Variants in TMEFF1 observed in about 807,000 individuals in gnomAD.
The protein encoded by TMEFF1 is tomoregulin-1.
TMEFF1 carries 20 observed loss-of-function variants against 47.5 expected under a neutral mutation model. The observed-to-expected ratio is 0.42, with a 90% CI of 0.30 to 0.61. The LOEUF (loss-of-function observed/expected upper bound fraction) is 0.61, where lower values mean the gene tolerates loss of function less well. Ranked by LOEUF, TMEFF1 falls within the 20% of genes least tolerant of loss-of-function variation. TMEFF1 has a pLI of 0.19. For synonymous variants in TMEFF1, 162 were observed against 166.3 expected, an observed-to-expected ratio of 0.97 and a Z score of 0.20; for missense variants, 411 against 471.1, an observed-to-expected ratio of 0.87 and a Z score of 1.18.
rs182886300 is a variant in TMEFF1, at chr9:100,544,208, G to T, written c.561-3536G>T. ...GGTGGATCAGTGTTATTTGTCTCCTGTTCCCAGAGGCCTTGTGTTAGTCTG... is the reference window on the plus strand; with the variant it reads ...GGTGGATCAGTGTTATTTGTCTCCTTTTCCCAGAGGCCTTGTGTTAGTCTG... On this transcript the variant is annotated intron_variant, in intron 5 of 9. Coordinates refer to ENST00000374879, the MANE Select transcript of TMEFF1 (RefSeq NM_003692.5). 1.0e-3 allele frequency among the ~76,000 whole-genome samples: 153 copies of T among 151,964 alleles called. 1 individual carries two copies. Among genetic ancestry groups the T allele is most frequent in the African/African-American group, 3.5e-3 (146 of 41,402 alleles).
At chr9:100,475,374 T>TAG (rs1392868080) in intron 1 of TMEFF1, among the ~76,000 whole-genome samples, 9 of 152,150 alleles carry the variant, frequency 5.9e-5, no homozygotes, top group Non-Finnish European at 8.8e-5. Flanking sequence ...TGAAAAAACT[T>TAG]TTCTGTTATT....
At chr9:100,529,773 A>G (rs1249372332) in intron 5 of TMEFF1, among the ~76,000 whole-genome samples, 1 of 152,182 alleles carries the variant, frequency 6.6e-6, no homozygotes. Context: ...TCTCCATCCC[A>G]AATCAACAGA....
chr9:100,513,377 TTC>T, intron 4 of TMEFF1, 44 bp downstream of exon 4: 1 of 1,543,860 alleles, frequency 6.5e-7, no homozygotes, highest in Non-Finnish European at 8.7e-7. Flanking sequence ...TTTTCTTTCT[TTC>T]TTTCTTTCTT....
At chr9:100,485,018 A>G (rs2118259924) in intron 1 of TMEFF1, among the ~76,000 whole-genome samples, 1 of 152,294 alleles carries the variant, frequency 6.6e-6, no homozygotes, top group Non-Finnish European at 1.5e-5. Flanking sequence ...TATTCTGGAC[A>G]TTTCATATAA....
chr9:100,564,405 A>G (rs948724856), intron 8 of TMEFF1, among the ~76,000 whole-genome samples: 1 of 152,190 alleles, frequency 6.6e-6, no homozygotes, highest in Admixed American at 6.5e-5. Flanking sequence ...TGATTGGTTG[A>G]TTGACTTATT....
At chr9:100,495,045 T>G (rs887062519) in intron 1 of TMEFF1, among the ~76,000 whole-genome samples, 3 of 152,164 alleles carry the variant, frequency 2.0e-5, no homozygotes, top group African/African-American at 4.8e-5. Context: ...AAGTTTTTTT[T>G]GTTGATTTTT....
chr9:100,508,680 T>C (rs1056109917), intron 2 of TMEFF1, among the ~76,000 whole-genome samples: 14 of 152,028 alleles, frequency 9.2e-5, no homozygotes, highest in Admixed American at 7.2e-4. Flanking sequence ...ATTTTGATAA[T>C]AATAAAATGC....
At chr9:100,500,244 A>G (rs1354481839) in intron 2 of TMEFF1, among the ~76,000 whole-genome samples, 2 of 152,142 alleles carry the variant, frequency 1.3e-5, no homozygotes, top group Non-Finnish European at 2.9e-5. Flanking sequence ...GTACTGTGGT[A>G]TGGTTTTTCT....
chr9:100,536,212 GA>G (rs1338625138), intron 5 of TMEFF1, among the ~76,000 whole-genome samples: 6 of 152,132 alleles, frequency 3.9e-5, no homozygotes, highest in African/African-American at 1.4e-4. Flanking sequence ...CCTATTGAGA[GA>G]ATCTGAAATA....
intron 2 of TMEFF1, among the ~76,000 whole-genome samples, chr9:100,499,179 T>A (rs1479539178): frequency 6.6e-6 from 1 of 152,214 alleles, no homozygotes; most frequent in Non-Finnish European, 1.5e-5. Context: ...CTAGAGTCTC[T>A]TATTTTAAAT....
At chr9:100,535,699 G>A (rs1217301998) in intron 5 of TMEFF1, among the ~76,000 whole-genome samples, 1 of 152,208 alleles carries the variant, frequency 6.6e-6, no homozygotes, top group Non-Finnish European at 1.5e-5. Flanking sequence ...GGGAGGCGGA[G>A]GTTGCAGTGA....
intron 1 of TMEFF1, among the ~76,000 whole-genome samples, chr9:100,494,177 A>G (rs1837610145): frequency 6.7e-6 from 1 of 149,276 alleles, no homozygotes; most frequent in South Asian, 2.2e-4. Flanking sequence ...ACTGCACTCC[A>G]GCCTGGGAAA....
chr9:100,492,103 C>G (rs1837562935), intron 1 of TMEFF1, among the ~76,000 whole-genome samples: 1 of 152,148 alleles, frequency 6.6e-6, no homozygotes, highest in Admixed American at 6.5e-5. Context: ...CCAGGCTGGT[C>G]TTGAACTCTT....
chr9:100,515,832 G>T (rs1838061269), intron 4 of TMEFF1, among the ~76,000 whole-genome samples: 1 of 151,930 alleles, frequency 6.6e-6, no homozygotes. Context: ...GACACTCCCT[G>T]AATAGTACTC....
In TMEFF1 at chr9:100,508,957, T is replaced by G. The variant is rs767599701; in HGVS notation, c.307-48T>G. On this transcript the variant is annotated intron_variant, in intron 2 of 9. Transcript: ENST00000374879. ...GCATTCATGAATGTGAAATAAACTATTAATATTCATGCCTAGTTCTGAGAA... is the reference window on the plus strand; with the variant it reads ...GCATTCATGAATGTGAAATAAACTAGTAATATTCATGCCTAGTTCTGAGAA... The G allele has an allele frequency of 7.3e-6, 11 of 1,502,860 alleles. No individual in the cohort carries two copies. In the East Asian group the frequency reaches 2.7e-4, roughly 37 times the overall value. 93.1% of individuals were successfully genotyped at this position (1,502,860 alleles called of 1,614,324 possible).
chr9:100,542,151 T>C (rs992533207), intron 5 of TMEFF1, among the ~76,000 whole-genome samples: 21 of 152,160 alleles, frequency 1.4e-4, no homozygotes, highest in Admixed American at 1.2e-3. Context: ...TTTGAAGTTA[T>C]GGATTTTCCT....
intron 5 of TMEFF1, among the ~76,000 whole-genome samples, chr9:100,543,221 C>T (rs1487237023): frequency 6.6e-6 from 1 of 152,162 alleles, no homozygotes; most frequent in South Asian, 2.1e-4. Context: ...AGCCACTGCG[C>T]CCAGCCCATG....
At chr9:100,556,732 A>G (rs983468471) in intron 7 of TMEFF1, among the ~76,000 whole-genome samples, 6 of 152,208 alleles carry the variant, frequency 3.9e-5, no homozygotes, top group Non-Finnish European at 8.8e-5. Flanking sequence ...TTCTGAGCTC[A>G]TTCACTTTCC....
intron 1 of TMEFF1, among the ~76,000 whole-genome samples, chr9:100,492,085 C>T (rs1472110637): frequency 6.6e-6 from 1 of 152,262 alleles, no homozygotes; most frequent in Middle Eastern, 3.4e-3. Flanking sequence ...GGGGTTTCAT[C>T]ACGTTGGCCA....
Sources: allele counts gnomAD v4.1 joint callset (sites outside exome capture counted in the v4.1 genomes callset), GRCh38; gene constraint gnomAD v4.1.1; transcripts MANE v1.5; gene names NCBI Gene and HGNC (gene_info 2026-07-23, HGNC 2026-07-21).